GOLGB1: variants seen among roughly 807,000 people sequenced by gnomAD.
The protein encoded by GOLGB1 is golgin subfamily B member 1.
A neutral mutation model predicts 336.9 loss-of-function variants in GOLGB1; 174 were observed. The observed-to-expected ratio is 0.52, with a 90% CI of 0.46 to 0.59. The LOEUF is 0.59. Ranked by LOEUF, GOLGB1 falls within the 20% of genes least tolerant of loss-of-function variation. GOLGB1 has a pLI of 0.00. For missense variants in GOLGB1, 3,331 were observed against 3,645.3 expected, an observed-to-expected ratio of 0.91 and a Z score of 2.22; for synonymous variants, 1,208 against 1,289.2, an observed-to-expected ratio of 0.94 and a Z score of 1.35.
chr3:121,671,368 T>C (rs1939508032), intron 17 of GOLGB1, among the ~76,000 whole-genome samples: 1 of 152,196 alleles, frequency 6.6e-6, no homozygotes, highest in African/African-American at 2.4e-5. Flanking sequence ...TTGTTATCTA[T>C]GGGGTATTGG....
chr3:121,748,757 A>C (rs1290305747), intron 1 of GOLGB1: 1 of 949,308 alleles, frequency 1.1e-6, no homozygotes, highest in Non-Finnish European at 1.3e-6. Context: ...GACAGCTTCC[A>C]ACTATCTCCA....
Position 121,667,617 on chromosome 3 carries a change from G to A in GOLGB1, c.9420-7C>T. The A allele has an allele frequency of 6.2e-7, 1 of 1,612,884 alleles. No individual in the cohort carries two copies. The highest frequency in any genetic ancestry group is 8.5e-7 in the Non-Finnish European group (1 of 1,179,304). On this transcript the variant is annotated splice_region_variant and splice_polypyrimidine_tract_variant and intron_variant, in intron 19 of 21. Transcript: ENST00000614479. Reference sequence around the variant, plus strand: ...CTGCTGAGCTTCAGAAAAGCTTTAGGATGAGAGGAAAACAAAAAGCATCAT... The same window carrying A: ...CTGCTGAGCTTCAGAAAAGCTTTAGAATGAGAGGAAAACAAAAAGCATCAT...
Position 121,702,004 on chromosome 3 carries a change from C to T in GOLGB1, c.1519+477G>A, listed in dbSNP as rs1943455875. 2.0e-5 allele frequency among the ~76,000 whole-genome samples: 3 copies of T among 152,066 alleles called. No individual in the cohort carries two copies. The South Asian group carries it at 6.2e-4, about 32-fold the overall frequency. ...GCCTGAAAGATGAGTAACAATCATC[C>T]AGACTAAAGGAAAGGAGCAGGATTC... is the stretch of plus-strand genomic sequence containing the variant. On this transcript the variant is annotated intron_variant, in intron 11 of 21. Coordinates refer to ENST00000614479, the MANE Select transcript of GOLGB1 (RefSeq NM_001366282.2).
chr3:121,681,082 G>C (rs1206161331), intron 15 of GOLGB1, among the ~76,000 whole-genome samples: 1 of 152,098 alleles, frequency 6.6e-6, no homozygotes, highest in East Asian at 1.9e-4. Context: ...AAAACAATAT[G>C]CATGTCCTTC....
In GOLGB1 at chr3:121,691,510, C is replaced by G; in HGVS notation, c.7854G>C (p.Gln2618His). 17 of 1,612,270 alleles carry G rather than the reference C, an allele frequency of 1.1e-5. No individual in the cohort carries two copies. The highest frequency in any genetic ancestry group is 1.4e-5 in the Non-Finnish European group (17 of 1,179,450). ...GCAAGGCTGTTACTTGTCTTGTTAGCTGGGATATAGATACTTTCAAACTCT... is the reference window on the plus strand; with the variant it reads ...GCAAGGCTGTTACTTGTCTTGTTAGGTGGGATATAGATACTTTCAAACTCT... ...EIESLKVSIS[Q>H]LTRQVTALQE... Residue 2618 changes from glutamine to histidine, a missense_variant, in exon 14 of 22, where the codon CAG becomes CAC. Physicochemically the swap from Gln to His is conservative, Grantham distance 24 (BLOSUM62 0). Transcript: ENST00000614479.
intron 14 of GOLGB1, among the ~76,000 whole-genome samples, chr3:121,684,550 A>G (rs941241976): frequency 3.3e-5 from 5 of 152,108 alleles, no homozygotes; most frequent in Admixed American, 2.0e-4. Flanking sequence ...GGTGAGGGGA[A>G]GGGAAGTGAG....
intron 19 of GOLGB1, 79 bp downstream of exon 19, chr3:121,667,982 G>A (rs1938876520): frequency 2.9e-6 from 2 of 687,974 alleles, no homozygotes; most frequent in African/African-American, 1.8e-5. Context: ...CCATATAAAG[G>A]ACTCCAGTTA....
intron 7 of GOLGB1, among the ~76,000 whole-genome samples, chr3:121,718,842 T>C (rs905018849): frequency 2.6e-5 from 4 of 152,184 alleles, no homozygotes; most frequent in Non-Finnish European, 4.4e-5. Flanking sequence ...ATGTACATCT[T>C]ACCCACCCAA....
chr3:121,682,000 C>G (rs907052145), intron 14 of GOLGB1, 135 bp from the exon 15 acceptor site: 1 of 643,910 alleles, frequency 1.6e-6, no homozygotes, highest in African/African-American at 1.8e-5. Context: ...GATGACATAT[C>G]ACTGCAACAT....
At chr3:121,735,136 A>T (rs1002146051) in intron 1 of GOLGB1, among the ~76,000 whole-genome samples, 10 of 152,210 alleles carry the variant, frequency 6.6e-5, no homozygotes, top group African/African-American at 2.4e-4. Flanking sequence ...AGGGAAGGAG[A>T]TGTGGCTGAA....
intron 10 of GOLGB1, among the ~76,000 whole-genome samples, chr3:121,708,472 C>CA (rs950441900): frequency 3.3e-4 from 48 of 143,590 alleles, no homozygotes; most frequent in South Asian, 8.8e-4. Flanking sequence ...CTTGTCTCTA[C>CA]AAAAAAAAAA....
At chr3:121,676,604 T>A (rs926561820) in intron 17 of GOLGB1, among the ~76,000 whole-genome samples, 2 of 152,170 alleles carry the variant, frequency 1.3e-5, no homozygotes, top group African/African-American at 4.8e-5. Flanking sequence ...GCCTCAGCAT[T>A]ACTACAAGTG....
chr3:121,710,193 T>C (rs1944230719), intron 10 of GOLGB1, among the ~76,000 whole-genome samples: 1 of 151,734 alleles, frequency 6.6e-6, no homozygotes. Flanking sequence ...CAGACTCAGA[T>C]GGTTTCATTG....
At chr3:121,732,418 GA>G (rs1229215367) in intron 1 of GOLGB1, among the ~76,000 whole-genome samples, 1 of 151,988 alleles carries the variant, frequency 6.6e-6, no homozygotes, top group Admixed American at 6.6e-5. Context: ...GATATTACAA[GA>G]AAACTAAAGA....
At chr3:121,683,732 T>C (rs764629058) in intron 14 of GOLGB1, among the ~76,000 whole-genome samples, 1 of 152,074 alleles carries the variant, frequency 6.6e-6, no homozygotes, top group Non-Finnish European at 1.5e-5. Flanking sequence ...AGAGATAACA[T>C]TGTAAATAAG....
At position 121,677,285 on chromosome 3, in the gene GOLGB1, C is replaced by T. The variant is rs1192565081; in HGVS notation, c.9039G>A (p.Gln3013=). ...TQPLKVQYQR[Q]ASPETSASPD... ...AACAATCAGCATTGAAATTACTCAC[C>T]TGTCTTTGGTATTGCACTTTGAGAG... The change falls in exon 16 of 22, where the codon CAG becomes CAA. Residue 3013 remains glutamine (Q), a splice_region_variant and synonymous_variant. Coordinates refer to ENST00000614479, the MANE Select transcript of GOLGB1 (RefSeq NM_001366282.2). 1 of 1,596,792 alleles carries T rather than the reference C, an allele frequency of 6.3e-7. No individual in the cohort carries two copies. Among genetic ancestry groups the T allele is most frequent in the Non-Finnish European group, 8.6e-7 (1 of 1,168,090 alleles).
At position 121,672,048 on chromosome 3, in the gene GOLGB1, G is replaced by A. The variant is rs533534444; in HGVS notation, c.9178-2693C>T. 2.6e-5 allele frequency among the ~76,000 whole-genome samples: 4 copies of A among 152,180 alleles called. No individual in the cohort carries two copies. The South Asian group carries it at 8.3e-4, about 32-fold the overall frequency. Reference sequence around the variant, plus strand: ...TTCTTAATCTATTCATCTGTTGACGGGTACTTACATTGATTCTATGTTTTG... The same window carrying A: ...TTCTTAATCTATTCATCTGTTGACGAGTACTTACATTGATTCTATGTTTTG... On this transcript the variant is annotated intron_variant, in intron 17 of 21. Transcript: ENST00000614479.
At chr3:121,722,599 CAT>C (rs1945277976) in intron 5 of GOLGB1, among the ~76,000 whole-genome samples, 4 of 152,092 alleles carry the variant, frequency 2.6e-5, no homozygotes, top group African/African-American at 9.7e-5. Flanking sequence ...TGACTCCTCA[CAT>C]AGAGACAGCA....
intron 14 of GOLGB1, among the ~76,000 whole-genome samples, chr3:121,689,209 G>A (rs1257149825): frequency 6.6e-6 from 1 of 152,176 alleles, no homozygotes; most frequent in Non-Finnish European, 1.5e-5. Flanking sequence ...GGAATAGAAA[G>A]GGGGGAAAGG....
Sources: gnomAD v4.1 joint callset for allele counts (sites outside exome capture counted in the v4.1 genomes callset) on GRCh38, gnomAD v4.1.1 for gene constraint, MANE v1.5 for transcripts, NCBI Gene and HGNC (gene_info 2026-07-23, HGNC 2026-07-21) for gene names.